TCF4: variants seen among roughly 807,000 people sequenced by gnomAD.
TCF4 encodes the protein SL3-3 enhancer factor 2.
Under a neutral mutation model 82.1 loss-of-function variants are expected in TCF4, and 3 were observed. That is an observed-to-expected ratio of 0.04 (90% confidence interval 0.02 to 0.09). TCF4 has a LOEUF of 0.09. TCF4 is among the 10% of genes least tolerant of loss of function. TCF4 has a pLI of 1.00. For missense variants in TCF4, 518 were observed against 852.7 expected, an observed-to-expected ratio of 0.61 and a Z score of 4.89; for synonymous variants, 276 against 309.6, an observed-to-expected ratio of 0.89 and a Z score of 1.14.
chr18:55,341,318 T>A (rs2079908465), intron 8 of TCF4, among the ~76,000 whole-genome samples: 1 of 152,170 alleles, frequency 6.6e-6, no homozygotes, highest in African/African-American at 2.4e-5. Context: ...GTCTCTTGAA[T>A]AAACAGTAGT....
intron 8 of TCF4, among the ~76,000 whole-genome samples, chr18:55,302,222 G>T (rs2068547986): frequency 6.6e-6 from 1 of 152,224 alleles, no homozygotes; most frequent in African/African-American, 2.4e-5. Flanking sequence ...AAAAGAAAAG[G>T]ACGTGAGCAG....
intron 3 of TCF4, chr18:55,510,457 C>A: frequency 3.0e-6 from 2 of 664,402 alleles, no homozygotes; most frequent in Non-Finnish European, 2.2e-6. Context: ...AACCTAGAAG[C>A]CTTTGTAAAA....
intron 2 of TCF4, among the ~76,000 whole-genome samples, chr18:55,611,862 G>A (rs1408037341): frequency 2.0e-5 from 3 of 152,028 alleles, no homozygotes; most frequent in South Asian, 2.1e-4. Flanking sequence ...TCTGCCTCTC[G>A]AATTCAAGCG....
At chr18:55,463,044 T>A (rs2095903470) in intron 4 of TCF4, among the ~76,000 whole-genome samples, 1 of 152,156 alleles carries the variant, frequency 6.6e-6, no homozygotes, top group Non-Finnish European at 1.5e-5. Context: ...CAACCCAAAT[T>A]TGTGTGAACA....
At chr18:55,421,596 CG>C (rs2146956236) in intron 5 of TCF4, among the ~76,000 whole-genome samples, 1 of 152,260 alleles carries the variant, frequency 6.6e-6, no homozygotes, top group African/African-American at 2.4e-5. Flanking sequence ...TGCTTATAAA[CG>C]TTATAATTTA....
chr18:55,446,864 T>C (rs2095534386), intron 5 of TCF4, among the ~76,000 whole-genome samples: 1 of 151,424 alleles, frequency 6.6e-6, no homozygotes, highest in Non-Finnish European at 1.5e-5. Flanking sequence ...TAGATGCCTG[T>C]AGTCCCAGAT....
intron 2 of TCF4, among the ~76,000 whole-genome samples, chr18:55,629,992 G>A (rs12104073): frequency 0.017 from 2,525 of 152,204 alleles, 60 homozygotes; most frequent in African/African-American, 0.055. Context: ...TGTATCATTC[G>A]TAGGGAATTC....
chr18:55,244,032 CA>C (rs2052224731), intron 15 of TCF4, among the ~76,000 whole-genome samples: 1 of 152,050 alleles, frequency 6.6e-6, no homozygotes, highest in African/African-American at 2.4e-5. Flanking sequence ...ACTTCCCAAA[CA>C]AATTTTCTTC....
chr18:55,276,210 T>C (rs971346019), intron 9 of TCF4, among the ~76,000 whole-genome samples: 5 of 152,162 alleles, frequency 3.3e-5, no homozygotes, highest in African/African-American at 1.2e-4. Flanking sequence ...AGATTGAAAA[T>C]GTTTAATTTC....
chr18:55,588,575 C>T (rs2097674950), upstream of TCF4: 1 of 1,523,574 alleles, frequency 6.6e-7, no homozygotes, highest in Non-Finnish European at 8.8e-7. Flanking sequence ...GTTTACATCC[C>T]CTCACTTCTT....
chr18:55,316,595 G>C (rs2074197497), intron 8 of TCF4, among the ~76,000 whole-genome samples: 1 of 151,934 alleles, frequency 6.6e-6, no homozygotes, highest in Non-Finnish European at 1.5e-5. Flanking sequence ...CCTCCATCGT[G>C]GTACTACAAT....
intron 13 of TCF4, among the ~76,000 whole-genome samples, chr18:55,258,933 T>C (rs1308820725): frequency 6.6e-6 from 1 of 152,162 alleles, no homozygotes; most frequent in Non-Finnish European, 1.5e-5. Context: ...GCGGTCTCTC[T>C]GGACATAGAG....
intron 15 of TCF4, among the ~76,000 whole-genome samples, chr18:55,247,370 A>G (rs956552770): frequency 6.6e-6 from 1 of 152,236 alleles, no homozygotes; most frequent in Non-Finnish European, 1.5e-5. Context: ...AGGCTACAAC[A>G]TAACATTCAA....
chr18:55,275,254 C>A (rs1049189416), intron 10 of TCF4, among the ~76,000 whole-genome samples: 1 of 118,404 alleles, frequency 8.4e-6, no homozygotes, highest in Non-Finnish European at 1.7e-5. Flanking sequence ...CTCTGCAGTA[C>A]ATCTTTTGAA....
At chr18:55,430,100 T>C (rs1041111846) in intron 5 of TCF4, among the ~76,000 whole-genome samples, 4 of 152,228 alleles carry the variant, frequency 2.6e-5, no homozygotes, top group Non-Finnish European at 5.9e-5. Flanking sequence ...TTCATCTCTC[T>C]GTATTCACAG....
At chr18:55,529,411 T>A (rs2097032000) in intron 3 of TCF4, among the ~76,000 whole-genome samples, 3 of 152,188 alleles carry the variant, frequency 2.0e-5, no homozygotes, top group Non-Finnish European at 4.4e-5. Flanking sequence ...TGTGAATCAT[T>A]TCAATCTCTG....
Position 55,623,453 on chromosome 18 carries a change from A to AT in TCF4, c.286+7844dup, listed in dbSNP as rs529521578. On this transcript the variant is annotated intron_variant, in intron 2 of 20. Coordinates refer to the TCF4 transcript ENST00000398339. ...TAGGATATGTTTGTAAATAAGACAC[A>AT]TTTTTTAAACTGTATATATGTTTTT... is the stretch of plus-strand genomic sequence containing the variant. Among the ~76,000 whole-genome samples, 495 of 152,296 alleles carry AT rather than the reference A, an allele frequency of 3.3e-3. 3 individuals carry two copies. Among genetic ancestry groups the AT allele is most frequent in the Non-Finnish European group, 3.5e-3 (241 of 68,028 alleles).
chr18:55,382,635 T>C (rs1030638458), intron 6 of TCF4, among the ~76,000 whole-genome samples: 8 of 152,128 alleles, frequency 5.3e-5, no homozygotes, highest in Non-Finnish European at 7.4e-5. Flanking sequence ...CCTCTCACTA[T>C]CCTGATCACC....
intron 8 of TCF4, among the ~76,000 whole-genome samples, chr18:55,339,901 C>T (rs2079474657): frequency 6.6e-6 from 1 of 152,186 alleles, no homozygotes; most frequent in Non-Finnish European, 1.5e-5. Flanking sequence ...AACATCTGTA[C>T]AAATATTCCT....
Sources: allele counts gnomAD v4.1 joint callset (sites outside exome capture counted in the v4.1 genomes callset), GRCh38; gene constraint gnomAD v4.1.1; transcripts MANE v1.5; gene names NCBI Gene and HGNC (gene_info 2026-07-23, HGNC 2026-07-21).